Variants in PMM2 observed in about 807,000 individuals in gnomAD.
PMM2 encodes mannose-6-phosphate isomerase.
In PMM2, 35 loss-of-function variants were observed where a neutral mutation model predicts 33.2. The ratio of observed to expected loss-of-function variants is 1.06; its 90% CI spans 0.81 to 1.40. The LOEUF (loss-of-function observed/expected upper bound fraction) is 1.40, where lower values mean the gene tolerates loss of function less well. PMM2 is among the 40% of genes most tolerant of loss of function. PMM2 has a pLI of 0.00. For synonymous variants in PMM2, 153 were observed against 114.7 expected, an observed-to-expected ratio of 1.33 and a Z score of -2.13; for missense variants, 386 against 306.0, an observed-to-expected ratio of 1.26 and a Z score of -1.95.
chr16:8,840,144 C>T lies in PMM2; in HGVS notation c.640-7580C>T, dbSNP rs188200736. ...TTGTTCACTAAGGAGGGATTAGAAG[C>T]GGCTAGGAGAGAATGGGTAAGGTTG... On this transcript the variant is annotated intron_variant, in intron 7 of 7. Transcript: ENST00000268261. Among the ~76,000 whole-genome samples the T allele has an allele frequency of 4.0e-3, 606 of 151,504 alleles. 7 individuals carry two copies. The highest frequency in any genetic ancestry group is 0.017 in the Middle Eastern group (5 of 292).
chr16:8,823,606 T>G lies in PMM2; in HGVS notation c.639+10500T>G, dbSNP rs2060750280. 2.8e-5 allele frequency among the ~76,000 whole-genome samples: 4 copies of G among 144,612 alleles called. No individual in the cohort carries two copies. In the South Asian group the frequency reaches 8.4e-4, roughly 31 times the overall value. 94.9% of individuals were successfully genotyped at this position (144,612 alleles called of 152,430 possible). ...TTTGCCAGATAGGCTGTTTTTAAAA[T>G]TGGCTTTGCTGAAACTTTGTTCCAT... On this transcript the variant is annotated intron_variant, in intron 7 of 7. Transcript: ENST00000268261.
chr16:8,846,203 A>C (rs540172645), intron 7 of PMM2, among the ~76,000 whole-genome samples: 3 of 152,302 alleles, frequency 2.0e-5, no homozygotes, highest in East Asian at 1.9e-4. Flanking sequence ...CCACCTGAGG[A>C]GGCCATCTGC....
intron 1 of PMM2, among the ~76,000 whole-genome samples, chr16:8,799,348 G>A (rs1214804835): frequency 7.2e-5 from 11 of 151,942 alleles, no homozygotes; most frequent in Admixed American, 2.0e-4. Context: ...TGTTATTACC[G>A]TTTTAAACAT....
chr16:8,838,802 T>C (rs1019328651), intron 7 of PMM2, among the ~76,000 whole-genome samples: 4 of 152,094 alleles, frequency 2.6e-5, no homozygotes, highest in African/African-American at 4.8e-5. Flanking sequence ...ACTTGCTTGG[T>C]TGGCAAGTTT....
intron 7 of PMM2, among the ~76,000 whole-genome samples, chr16:8,826,329 G>A (rs2060767724): frequency 6.6e-6 from 1 of 152,104 alleles, no homozygotes. Context: ...TCTTTAAGCA[G>A]TTTTAATTAC....
At chr16:8,846,912 G>A (rs946514533) in intron 7 of PMM2, among the ~76,000 whole-genome samples, 9 of 152,158 alleles carry the variant, frequency 5.9e-5, no homozygotes, top group Non-Finnish European at 1.2e-4. Context: ...CGCCCAGGCT[G>A]GAGTGCAGTG....
At position 8,802,176 on chromosome 16, in the gene PMM2, C is replaced by A; in HGVS notation, c.178+266C>A. The A allele has an allele frequency of 1.2e-5, 6 of 483,804 alleles. No homozygotes were observed. The Admixed American group carries it at 1.4e-4, about 11-fold the overall frequency. 30.0% of individuals were successfully genotyped at this position (483,804 alleles called of 1,614,324 possible). A position where few individuals can be genotyped will look rare whatever the true frequency, so the allele number is the denominator to read the frequency against. On this transcript the variant is annotated intron_variant, in intron 2 of 7. Transcript: ENST00000268261. ...TGGCTGTATCTGCACATGATAATCT[C>A]TCTGCCTGGAATACTTCTTGCTTGT...
chr16:8,804,844 G>A lies in PMM2; in HGVS notation c.255+1G>A, dbSNP rs1060499598. ...AGATGGGAAACTCTTGTGTAGACAG[G>A]TAGGTTCTTGAGTATCTGAATTACT... On this transcript the variant is annotated splice_donor_variant, in intron 3 of 7. Coordinates refer to ENST00000268261, the MANE Select transcript of PMM2 (RefSeq NM_000303.3). LOFTEE classifies it high-confidence loss of function. 2.7e-5 allele frequency: 43 copies of A among 1,592,224 alleles called. No homozygotes were observed. Among genetic ancestry groups the A allele is most frequent in the Non-Finnish European group, 3.5e-5 (41 of 1,160,230 alleles).
At chr16:8,827,881 T>C (rs1376506991) in intron 7 of PMM2, among the ~76,000 whole-genome samples, 1 of 80,786 alleles carries the variant, frequency 1.2e-5, no homozygotes, top group Admixed American at 1.4e-4. Context: ...ATATGTTATA[T>C]AATATATGAT....
At chr16:8,810,833 T>C (rs1330536814) in intron 4 of PMM2, 7 of 548,418 alleles carry the variant, frequency 1.3e-5, no homozygotes, top group East Asian at 9.6e-5. Context: ...TACAACATGA[T>C]TGATGCAATT....
In PMM2 at chr16:8,842,682, G is replaced by T. The variant is rs189333040; in HGVS notation, c.640-5042G>T. Among the ~76,000 whole-genome samples the T allele has an allele frequency of 8.3e-3, 1,260 of 152,318 alleles. 14 individuals carry two copies. Among genetic ancestry groups the T allele is most frequent in the African/African-American group, 0.029 (1,213 of 41,556 alleles). ...GGCAAAACAATTTGGTTGATAAGGC[G>T]CAGATCCTGAACTAATCTGTAAGAC... On this transcript the variant is annotated intron_variant, in intron 7 of 7. Coordinates refer to ENST00000268261, the MANE Select transcript of PMM2 (RefSeq NM_000303.3).
Position 8,848,164 on chromosome 16 carries a change from CTG to C in PMM2, c.*342_*343del, listed in dbSNP as rs1481039261. On this transcript the variant is annotated 3_prime_UTR_variant, in exon 8 of 8. Coordinates refer to ENST00000268261, the MANE Select transcript of PMM2 (RefSeq NM_000303.3). ...TTCTAGGATGATACAGAAAGAAAAA[CTG>C]TGCCTGGACCCTCCCTCTTGGTGGG... 18 of 300,752 alleles carry C rather than the reference CTG, an allele frequency of 6.0e-5. No individual in the cohort carries two copies. The highest frequency in any genetic ancestry group is 5.7e-4 in the Admixed American group (12 of 20,904). 18.6% of individuals were successfully genotyped at this position (300,752 alleles called of 1,614,324 possible).
chr16:8,806,220 T>A, intron 3 of PMM2, 96 bp from the exon 4 acceptor site: 1 of 793,964 alleles, frequency 1.3e-6, no homozygotes, highest in Non-Finnish European at 2.3e-6. Flanking sequence ...GCCTACTGAT[T>A]TTCAGCAATC....
At chr16:8,840,122 T>C (rs996146037) in intron 7 of PMM2, among the ~76,000 whole-genome samples, 10 of 151,742 alleles carry the variant, frequency 6.6e-5, no homozygotes, top group African/African-American at 2.4e-4. Context: ...CCAGCAGTTG[T>C]TCACTAAGGA....
chr16:8,845,204 C>A (rs370931947), intron 7 of PMM2, among the ~76,000 whole-genome samples: 1 of 151,788 alleles, frequency 6.6e-6, no homozygotes, highest in Non-Finnish European at 1.5e-5. Flanking sequence ...CAATGTTTTG[C>A]GGGCAGGGGT....
chr16:8,836,209 C>T (rs910854678), intron 7 of PMM2, among the ~76,000 whole-genome samples: 11 of 151,888 alleles, frequency 7.2e-5, no homozygotes, highest in African/African-American at 2.4e-4. Context: ...TTACCCTCCA[C>T]TGTGAGAGTT....
At chr16:8,821,924 C>T (rs188229817) in intron 7 of PMM2, among the ~76,000 whole-genome samples, 6 of 152,384 alleles carry the variant, frequency 3.9e-5, no homozygotes, top group Admixed American at 3.3e-4. Context: ...CATTTCAGAG[C>T]AGGCTCTTGT....
At chr16:8,804,039 T>TTTTTTTTTTTTTTTTTTTTTTTTTG (rs2060632559) in intron 2 of PMM2, among the ~76,000 whole-genome samples, 2 of 132,802 alleles carry the variant, frequency 1.5e-5, no homozygotes, top group Admixed American at 7.7e-5. Context: ...TTGTTTTTTT[T>TTTTTTTTTTTTTTTTTTTTTTTTTG]TTTTTTTTTT....
In PMM2 at chr16:8,813,087, T is replaced by C. The variant is rs532870929; in HGVS notation, c.620T>C (p.Phe207Ser). 32 of 1,603,480 alleles carry C rather than the reference T, an allele frequency of 2.0e-5. No individual in the cohort carries two copies. The highest frequency in any genetic ancestry group is 8.3e-5 in the Admixed American group (5 of 60,014). ...ENDGYKTIYFFGDKTMPGGND... is the reference protein window; with the variant it reads ...ENDGYKTIYFSGDKTMPGGND... ...GACGGTTATAAGACCATTTATTTCT[T>C]TGGAGACAAAACTATGCCAGTAAGT... Residue 207 changes from phenylalanine to serine, a missense_variant, in exon 7 of 8, where the codon TTT becomes TCT. By Grantham distance (155) the Phe-to-Ser change is radical. Coordinates refer to ENST00000268261, the MANE Select transcript of PMM2 (RefSeq NM_000303.3).
Sources: gnomAD v4.1 joint callset for allele counts (sites outside exome capture counted in the v4.1 genomes callset) on GRCh38, gnomAD v4.1.1 for gene constraint, MANE v1.5 for transcripts, NCBI Gene and HGNC (gene_info 2026-07-23, HGNC 2026-07-21) for gene names.